The following FOXP2 variants were observed in gnomAD, a reference collection of about 807,000 sequenced individuals.
FOXP2 encodes the protein forkhead box P2.
A neutral mutation model predicts 115.8 loss-of-function variants in FOXP2; 12 were observed. That is an observed-to-expected ratio of 0.10 (90% CI 0.07 to 0.17). The LOEUF is 0.17. FOXP2 is among the 10% of genes least tolerant of loss of function. The pLI, the probability that FOXP2 is intolerant of heterozygous loss-of-function variation, is 1.00. For synonymous variants in FOXP2, 328 were observed against 297.7 expected (o/e 1.10, Z -1.05); for missense variants, 629 against 843.5 (o/e 0.75, Z 3.15).
intron 1 of FOXP2, among the ~76,000 whole-genome samples, chr7:114,247,139 T>G (rs1795304802): frequency 6.6e-6 from 1 of 152,324 alleles, no homozygotes; most frequent in African/African-American, 2.4e-5. Context: ...AGCTACAGCT[T>G]TTCTCAAACA....
intron 1 of FOXP2, among the ~76,000 whole-genome samples, chr7:114,108,107 T>C (rs1791170188): frequency 1.3e-5 from 2 of 151,972 alleles, no homozygotes. Flanking sequence ...ATTTATTATT[T>C]AGTTGACTAA....
At chr7:114,153,889 G>T (rs1246091076) in intron 1 of FOXP2, among the ~76,000 whole-genome samples, 1 of 152,122 alleles carries the variant, frequency 6.6e-6, no homozygotes, top group Non-Finnish European at 1.5e-5. Context: ...AAGCCATTGT[G>T]TTGTAAGCCC....
chr7:114,362,700 A>G lies in FOXP2; in HGVS notation c.-10-63802A>G, dbSNP rs186288954. 2.0e-3 allele frequency among the ~76,000 whole-genome samples: 300 copies of G among 152,240 alleles called. 1 individual carries two copies. The highest frequency in any genetic ancestry group is 3.2e-3 in the Admixed American group (49 of 15,280). ...AGAAGTGGTGGCATTAATAGAAACC[A>G]AAATGTTTTTCAGTAAGCATATGCT... On this transcript the variant is annotated intron_variant, in intron 2 of 17. Coordinates refer to the FOXP2 transcript ENST00000634411.
chr7:114,361,872 C>T (rs1791753397), intron 2 of FOXP2, among the ~76,000 whole-genome samples: 1 of 151,984 alleles, frequency 6.6e-6, no homozygotes, highest in South Asian at 2.1e-4. Context: ...TGAAAAGTAA[C>T]CTAGAATGGG....
intron 1 of FOXP2, among the ~76,000 whole-genome samples, chr7:114,169,239 A>G (rs1404679967): frequency 1.3e-5 from 2 of 152,172 alleles, no homozygotes; most frequent in Non-Finnish European, 2.9e-5. Flanking sequence ...GTGCCTGGAA[A>G]AGCCACAGTC....
intron 16 of FOXP2, among the ~76,000 whole-genome samples, chr7:114,686,729 T>C (rs984903809): frequency 1.3e-5 from 2 of 152,160 alleles, no homozygotes; most frequent in African/African-American, 4.8e-5. Flanking sequence ...GAAATAGCTA[T>C]GAAAATAAAA....
At chr7:114,207,665 A>C (rs552244439) in intron 1 of FOXP2, among the ~76,000 whole-genome samples, 1 of 152,218 alleles carries the variant, frequency 6.6e-6, no homozygotes, top group Non-Finnish European at 1.5e-5. Context: ...CCACAAATTG[A>C]ATTTTATTTC....
chr7:114,432,001 T>G (rs1253454614), intron 2 of FOXP2, among the ~76,000 whole-genome samples: 4 of 151,956 alleles, frequency 2.6e-5, no homozygotes, highest in Non-Finnish European at 4.4e-5. Flanking sequence ...TTAGCAATAG[T>G]TATTTTTACT....
At chr7:114,577,662 T>C (rs977413864) in intron 3 of FOXP2, among the ~76,000 whole-genome samples, 2 of 151,936 alleles carry the variant, frequency 1.3e-5, no homozygotes, top group African/African-American at 4.8e-5. Flanking sequence ...AGAGAGAGAT[T>C]GTGAGATATT....
intron 2 of FOXP2, among the ~76,000 whole-genome samples, chr7:114,498,431 TC>T (rs1389668679): frequency 7.2e-5 from 11 of 152,136 alleles, no homozygotes; most frequent in African/African-American, 2.7e-4. Context: ...AAGGTAATCA[TC>T]TAAGTAAAAT....
intron 2 of FOXP2, among the ~76,000 whole-genome samples, chr7:114,343,256 A>T (rs1433064680): frequency 6.6e-6 from 1 of 151,554 alleles, no homozygotes; most frequent in Non-Finnish European, 1.5e-5. Context: ...TGTGTTGTTG[A>T]TGTAAATTTT....
chr7:114,398,606 A>G (rs1792802334), intron 2 of FOXP2, among the ~76,000 whole-genome samples: 1 of 152,206 alleles, frequency 6.6e-6, no homozygotes, highest in African/African-American at 2.4e-5. Context: ...ATGCCATACG[A>G]TTGCTTTATT....
chr7:114,171,003 G>A (rs1793122042), intron 1 of FOXP2, among the ~76,000 whole-genome samples: 1 of 152,210 alleles, frequency 6.6e-6, no homozygotes, highest in Non-Finnish European at 1.5e-5. Context: ...TGAGGTCAGT[G>A]CCTGGCGTCA....
chr7:114,240,528 G>T (rs1322123939), intron 1 of FOXP2, among the ~76,000 whole-genome samples: 1 of 151,816 alleles, frequency 6.6e-6, no homozygotes, highest in Non-Finnish European at 1.5e-5. Context: ...GTTTCTTAAA[G>T]AAGATATTCT....
At chr7:114,305,675 A>G (rs1438842774) in intron 2 of FOXP2, among the ~76,000 whole-genome samples, 3 of 152,174 alleles carry the variant, frequency 2.0e-5, no homozygotes, top group Admixed American at 1.3e-4. Context: ...CTTCTTTCCC[A>G]CTAGCTCCTT....
At position 114,340,167 on chromosome 7, in the gene FOXP2, A is replaced by C. The variant is rs1193176402; in HGVS notation, c.-11+52058A>C. Among the ~76,000 whole-genome samples, 3 of 151,158 alleles carry C rather than the reference A, an allele frequency of 2.0e-5. No individual in the cohort carries two copies. In the East Asian group the frequency reaches 5.8e-4, roughly 29 times the overall value. ...ATTTTATTTGGGTTAGAGCTTAATA[A>C]GAAACCATGTGATAGTGATTTCTTC... On this transcript the variant is annotated intron_variant, in intron 2 of 17. Transcript: ENST00000634411.
chr7:114,268,292 T>A (rs189178304), intron 1 of FOXP2, among the ~76,000 whole-genome samples: 31 of 152,282 alleles, frequency 2.0e-4, no homozygotes, highest in African/African-American at 7.5e-4. Flanking sequence ...CAACATGTAC[T>A]TAGGGGTTAC....
chr7:114,592,023 A>G (rs562349132), intron 3 of FOXP2, among the ~76,000 whole-genome samples: 1 of 152,252 alleles, frequency 6.6e-6, no homozygotes, highest in Non-Finnish European at 1.5e-5. Context: ...ATTGGATCAC[A>G]TAGTGAGAAG....
intron 3 of FOXP2, among the ~76,000 whole-genome samples, chr7:114,576,394 T>C (rs910368055): frequency 1.8e-4 from 28 of 151,916 alleles, no homozygotes; most frequent in African/African-American, 6.5e-4. Context: ...TATTTCATTG[T>C]AATATTTGAG....
Sources: allele counts gnomAD v4.1 joint callset (sites outside exome capture counted in the v4.1 genomes callset), GRCh38; gene constraint gnomAD v4.1.1; transcripts MANE v1.5; gene names NCBI Gene and HGNC (gene_info 2026-07-23, HGNC 2026-07-21).